LRBA: variants seen among roughly 807,000 people sequenced by gnomAD.
LRBA encodes LPS responsive beige-like anchor protein.
In LRBA, 176 loss-of-function variants were observed where a neutral mutation model predicts 330.0. The ratio of observed to expected loss-of-function variants is 0.53; its 90% CI spans 0.47 to 0.60. The LOEUF (loss-of-function observed/expected upper bound fraction) is 0.60. LRBA is among the 20% of genes least tolerant of loss of function. The pLI is 0.00. For synonymous variants in LRBA, 1,230 were observed against 1,193.0 expected, an observed-to-expected ratio of 1.03 and a Z score of -0.64; for missense variants, 3,259 against 3,444.8, an observed-to-expected ratio of 0.95 and a Z score of 1.35.
rs1561457470 is a variant in LRBA, at chr4:150,639,787, GTGTGTA to G, written c.5922-40662_5922-40657del. The stretch of plus-strand genomic sequence containing the variant: ...TATATATATATATATATATATGTGT[GTGTGTA>G]TATATATATATATGTGTGTGTGTGT... On this transcript the variant is annotated intron_variant, in intron 37 of 56. Transcript: ENST00000651943. 3.1e-4 allele frequency among the ~76,000 whole-genome samples: 5 copies of G among 16,220 alleles called. 1 individual carries two copies. Among genetic ancestry groups the G allele is most frequent in the African/African-American group, 1.4e-3 (5 of 3,476 alleles). The allele number at this position is 16,220 out of a possible 152,430, so 10.6% of individuals were successfully genotyped here.
intron 44 of LRBA, among the ~76,000 whole-genome samples, chr4:150,439,231 C>T (rs1316710062): frequency 6.6e-6 from 1 of 152,072 alleles, no homozygotes; most frequent in Non-Finnish European, 1.5e-5. Context: ...TTATCTGCTC[C>T]TATTTTTATT....
At chr4:150,479,307 G>A (rs1315527597) in intron 42 of LRBA, among the ~76,000 whole-genome samples, 1 of 152,028 alleles carries the variant, frequency 6.6e-6, no homozygotes, top group African/African-American at 2.4e-5. Flanking sequence ...AGCTTTAACT[G>A]TGGGAGAACA....
intron 2 of LRBA, among the ~76,000 whole-genome samples, chr4:150,934,600 G>A (rs921009701): frequency 1.3e-5 from 2 of 152,076 alleles, no homozygotes; most frequent in African/African-American, 4.8e-5. Context: ...GGCTGGGTGC[G>A]GTGGCTCACA....
At chr4:150,593,003 A>G (rs1328420606) in intron 38 of LRBA, among the ~76,000 whole-genome samples, 1 of 152,120 alleles carries the variant, frequency 6.6e-6, no homozygotes, top group Non-Finnish European at 1.5e-5. Flanking sequence ...AAACAGAACT[A>G]TGTTCTAAAA....
At chr4:150,715,247 C>T (rs905568904) in intron 36 of LRBA, among the ~76,000 whole-genome samples, 2 of 152,128 alleles carry the variant, frequency 1.3e-5, no homozygotes, top group African/African-American at 4.8e-5. Flanking sequence ...CCACCCCAAC[C>T]TCTCACCCTG....
intron 34 of LRBA, among the ~76,000 whole-genome samples, chr4:150,782,962 G>A (rs1738492926): frequency 6.6e-6 from 1 of 152,112 alleles, no homozygotes; most frequent in Non-Finnish European, 1.5e-5. Flanking sequence ...TATGCTCCAA[G>A]TGTTGGTTCT....
At chr4:150,763,263 CAG>C (rs1735335737) in intron 34 of LRBA, among the ~76,000 whole-genome samples, 2 of 152,054 alleles carry the variant, frequency 1.3e-5, no homozygotes, top group South Asian at 4.1e-4. Flanking sequence ...CTGATACTAA[CAG>C]AATATATCCT....
intron 46 of LRBA, among the ~76,000 whole-genome samples, chr4:150,425,595 T>C (rs1007232524): frequency 7.2e-5 from 11 of 152,192 alleles, no homozygotes; most frequent in African/African-American, 2.7e-4. Flanking sequence ...TTTTCTTTAT[T>C]AAGGTATAAT....
chr4:150,825,497 G>A (rs1470745771), intron 30 of LRBA, among the ~76,000 whole-genome samples: 5 of 152,108 alleles, frequency 3.3e-5, no homozygotes, highest in Non-Finnish European at 7.3e-5. Flanking sequence ...CTCCCAAATA[G>A]CTGGGATTAC....
chr4:150,644,680 T>C (rs1023256828), intron 37 of LRBA, among the ~76,000 whole-genome samples: 5 of 151,830 alleles, frequency 3.3e-5, no homozygotes, highest in Non-Finnish European at 5.9e-5. Flanking sequence ...ATTCAAGGAG[T>C]AAATGACTAT....
chr4:150,935,355 A>G (rs1053197362), intron 2 of LRBA, among the ~76,000 whole-genome samples: 6 of 152,124 alleles, frequency 3.9e-5, no homozygotes, highest in Admixed American at 1.3e-4. Context: ...AATACCTATA[A>G]TATCTAACAG....
chr4:150,679,955 G>A (rs115142718), intron 37 of LRBA, among the ~76,000 whole-genome samples: 1,732 of 152,198 alleles, frequency 0.011, 9 homozygotes, highest in Non-Finnish European at 0.018. Flanking sequence ...TATGTCCTCT[G>A]AGACTTCCAT....
chr4:150,811,630 G>A (rs1743751802), intron 31 of LRBA, among the ~76,000 whole-genome samples: 1 of 152,084 alleles, frequency 6.6e-6, no homozygotes. Context: ...AGCCTTCTGA[G>A]TAGGTGAGAT....
chr4:150,598,539 G>A (rs938607448), intron 38 of LRBA, among the ~76,000 whole-genome samples: 2 of 152,134 alleles, frequency 1.3e-5, no homozygotes, highest in African/African-American at 4.8e-5. Context: ...GGCTCAGAAA[G>A]TATCTAGGCA....
At position 150,849,482 on chromosome 4, in the gene LRBA, G is replaced by T; in HGVS notation, c.4098C>A (p.Asp1366Glu). Residue 1366 changes from aspartate (D) to glutamate (E), a missense_variant, in exon 25 of 57, where the codon GAC becomes GAA. Coordinates refer to ENST00000651943, the MANE Select transcript of LRBA (RefSeq NM_001364905.1). ...TACCCCCACAAGCCATGACCATATT[G>T]TCCATCACTTGAGAGATGAGATGAA... ...NTIHLISQVM[D>E]NMVMACGGIL... 1 of 1,613,212 alleles carries T rather than the reference G, an allele frequency of 6.2e-7. No homozygotes were observed. Among genetic ancestry groups the T allele is most frequent in the Non-Finnish European group, 8.5e-7 (1 of 1,179,190 alleles).
At chr4:150,536,614 T>C (rs1236329978) in intron 40 of LRBA, among the ~76,000 whole-genome samples, 1 of 152,232 alleles carries the variant, frequency 6.6e-6, no homozygotes, top group Non-Finnish European at 1.5e-5. Context: ...TGTATTTCCA[T>C]GAACAGTATA....
intron 37 of LRBA, among the ~76,000 whole-genome samples, chr4:150,621,027 T>C (rs1776241261): frequency 6.6e-6 from 1 of 151,978 alleles, no homozygotes; most frequent in Non-Finnish European, 1.5e-5. Flanking sequence ...TGCTGTTTGA[T>C]AAAAAGTGCT....
intron 40 of LRBA, among the ~76,000 whole-genome samples, chr4:150,492,328 A>G (rs563126478): frequency 6.6e-6 from 1 of 152,268 alleles, no homozygotes; most frequent in South Asian, 2.1e-4. Flanking sequence ...TACAAAACAA[A>G]AAGTTCAAAA....
chr4:150,339,435 C>A, intron 48 of LRBA, among the ~76,000 whole-genome samples: 1 of 152,156 alleles, frequency 6.6e-6, no homozygotes, highest in East Asian at 1.9e-4. Flanking sequence ...GTATTCATAT[C>A]CTCATGTTAA....
Sources: gnomAD v4.1 joint callset for allele counts (sites outside exome capture counted in the v4.1 genomes callset) on GRCh38, gnomAD v4.1.1 for gene constraint, MANE v1.5 for transcripts, NCBI Gene and HGNC (gene_info 2026-07-23, HGNC 2026-07-21) for gene names.